The following PRMT2 variants were observed in gnomAD, a reference collection of about 807,000 sequenced individuals.
PRMT2 encodes protein arginine N-methyltransferase 2.
PRMT2 carries 26 observed loss-of-function variants against 57.6 expected under a neutral mutation model. The ratio of observed to expected loss-of-function variants is 0.45; its 90% CI spans 0.33 to 0.63. PRMT2 has a LOEUF of 0.63. PRMT2 is among the 20% of genes least tolerant of loss of function. The probability of loss-of-function intolerance (pLI) is 0.02; values close to 1 mark genes in which losing one functional copy is unlikely to be tolerated. For synonymous variants in PRMT2, 219 were observed against 220.0 expected (o/e 1.00, Z 0.04); for missense variants, 472 against 564.4 (o/e 0.84, Z 1.66).
intron 7 of PRMT2, chr21:46,653,826 C>T (rs2061498807): frequency 9.6e-7 from 1 of 1,046,704 alleles, no homozygotes. Flanking sequence ...GCTTGAAGGA[C>T]CGCTTATGGC....
At chr21:46,663,819 C>T (rs1196049229) in intron 11 of PRMT2, among the ~76,000 whole-genome samples, 1 of 152,244 alleles carries the variant, frequency 6.6e-6, no homozygotes, top group Non-Finnish European at 1.5e-5. Context: ...CAGAGACCCA[C>T]ATCAGCCTGA....
chr21:46,648,629 G>A lies in PRMT2; in HGVS notation c.489+10G>A, dbSNP rs547026398. 103 of 1,609,920 alleles carry A rather than the reference G, an allele frequency of 6.4e-5. 1 individual carries two copies. In the South Asian group the frequency reaches 1.1e-3, roughly 17 times the overall value. ...TGCGCGGCCTAGAGCGGTGAGTGGG[G>A]TCTCGAGCGCATCCCGGGTGTTTGT... On this transcript the variant is annotated intron_variant, in intron 6 of 11. Transcript: ENST00000355680. The surrounding 1 kb of genome is among the most constrained non-coding windows in gnomAD (Gnocchi z 4.8).
At chr21:46,642,701 T>C (rs2061297325) in intron 3 of PRMT2, among the ~76,000 whole-genome samples, 1 of 152,152 alleles carries the variant, frequency 6.6e-6, no homozygotes, top group South Asian at 2.1e-4. Flanking sequence ...CCCCCTGCAG[T>C]GATGTCTTCC....
intron 4 of PRMT2, among the ~76,000 whole-genome samples, chr21:46,644,052 C>G (rs1238722584): frequency 3.9e-5 from 6 of 152,194 alleles, no homozygotes. Context: ...AAATTCTCTC[C>G]TAAGCCATTT....
chr21:46,660,851 G>GT lies in PRMT2; in HGVS notation c.856dup (p.Ser286PhefsTer6), dbSNP rs781564472. On this transcript the variant is annotated frameshift_variant, in exon 9 of 12. Transcript: ENST00000355680. LOFTEE classifies it high-confidence loss of function. ...CCCCTAGATCTTTAGCAGTTAAGGA[G>GT]TTTTTTTCAAAGCCCAAGTATAACC... The GT allele has an allele frequency of 1.9e-6, 3 of 1,613,894 alleles. No individual in the cohort carries two copies. The highest frequency in any genetic ancestry group is 3.3e-5 in the Admixed American group (2 of 59,964).
Position 46,649,470 on chromosome 21 carries a change from CT to C in PRMT2, c.490-103del, listed in dbSNP as rs1569156235. On this transcript the variant is annotated intron_variant, in intron 6 of 11. Coordinates refer to ENST00000355680, the MANE Select transcript of PRMT2 (RefSeq NM_206962.4). The surrounding 1 kb of genome is among the most constrained non-coding windows in gnomAD (Gnocchi z 4.8). ...CTGCTGTCTGGAATGCTGCTTCCCT[CT>C]TGTGTCATTGACCATTTCTCGTGAT... 1 of 1,562,014 alleles carries C rather than the reference CT, an allele frequency of 6.4e-7. No individual in the cohort carries two copies. Among genetic ancestry groups the C allele is most frequent in the East Asian group, 2.2e-5 (1 of 44,602 alleles).
chr21:46,657,344 G>A (rs1287950809), intron 7 of PRMT2: 2 of 147,622 alleles, frequency 1.4e-5, no homozygotes, highest in African/African-American at 5.0e-5. Flanking sequence ...AAACCTGTAT[G>A]TGAATGATTA....
intron 8 of PRMT2, 52 bp downstream of exon 8, chr21:46,658,972 C>T (rs1455450639): frequency 6.3e-7 from 1 of 1,578,888 alleles, no homozygotes; most frequent in South Asian, 1.2e-5. Flanking sequence ...TCCTGGTCCA[C>T]AGTCTGCAGG....
rs771168897 is a variant in PRMT2 at position 46,648,534 on chromosome 21, C to T, written c.404C>T (p.Ser135Phe). The change falls in exon 6 of 12, where the codon TCC becomes TTC. Residue 135 changes from serine (S) to phenylalanine (F), a missense_variant. This residue lies in a region of PRMT2 where 243 missense variants were observed against 347.2 expected (regional missense o/e 0.70). Transcript: ENST00000355680. This position sits in a 1 kb window ranked among gnomAD's most constrained non-coding sequence, Gnocchi z 4.8. ...AGTGTCATCCTGCAGAATAAAGAATCCCTGACGGATAAAGTCATCCTGGAC... is the reference window on the plus strand; with the variant it reads ...AGTGTCATCCTGCAGAATAAAGAATTCCTGACGGATAAAGTCATCCTGGAC... Reference protein sequence around the residue: ...YHSVILQNKESLTDKVILDVG... With the variant: ...YHSVILQNKEFLTDKVILDVG... The T allele has an allele frequency of 1.4e-4, 225 of 1,614,096 alleles. 1 individual carries two copies. The highest frequency in any genetic ancestry group is 1.7e-4 in the Non-Finnish European group (206 of 1,180,026).
At position 46,661,951 on chromosome 21, in the gene PRMT2, C is replaced by T. The variant is rs757637980; in HGVS notation, c.1097+15C>T. On this transcript the variant is annotated intron_variant, in intron 10 of 11. Transcript: ENST00000355680. The stretch of plus-strand genomic sequence containing the variant: ...CCCTTCCACCCGTGAGTGTGCGGGG[C>T]GCGGGCACGGGGTGCGGGGTGGGGG... The T allele has an allele frequency of 1.1e-5, 7 of 644,694 alleles. No homozygotes were observed. Among genetic ancestry groups the T allele is most frequent in the South Asian group, 4.1e-5 (1 of 24,296 alleles). 39.9% of individuals were successfully genotyped at this position (644,694 alleles called of 1,614,324 possible).
At chr21:46,660,801 C>G (rs781241406) in intron 8 of PRMT2, 32 bp from the exon 9 acceptor site, 8 of 1,611,434 alleles carry the variant, frequency 5.0e-6, no homozygotes, top group South Asian at 1.1e-5. Flanking sequence ...TTTGCAATGA[C>G]TCTCAACAGT....
rs755530833 is a variant in PRMT2 at position 46,652,015 on chromosome 21, T to G, written c.654+2276T>G. 6.2e-6 allele frequency: 10 copies of G among 1,612,884 alleles called. No homozygotes were observed. In the South Asian group the frequency reaches 1.1e-4, roughly 18 times the overall value. On this transcript the variant is annotated intron_variant, in intron 7 of 11. Transcript: ENST00000355680. ...CCATCTTCCTACTCTGACGCTGACATGTAGTAAAAGTCTGAAGACAGAGAA... is the reference window on the plus strand; with the variant it reads ...CCATCTTCCTACTCTGACGCTGACAGGTAGTAAAAGTCTGAAGACAGAGAA...
chr21:46,642,558 C>T (rs377165828), intron 3 of PRMT2, among the ~76,000 whole-genome samples: 13 of 152,184 alleles, frequency 8.5e-5, no homozygotes, highest in African/African-American at 3.1e-4. Flanking sequence ...TAATTTTCTT[C>T]TGTGTACTTG....
intron 7 of PRMT2, among the ~76,000 whole-genome samples, chr21:46,650,208 C>T (rs1311225089): frequency 6.6e-6 from 1 of 152,200 alleles, no homozygotes. Context: ...GGACTGTTTT[C>T]TGGTTGCCTG....
At chr21:46,647,259 T>C (rs1486919574) in intron 5 of PRMT2, among the ~76,000 whole-genome samples, 1 of 152,212 alleles carries the variant, frequency 6.6e-6, no homozygotes, top group Non-Finnish European at 1.5e-5. Context: ...TTTCATATTA[T>C]TTGCCCCTTT....
rs777184927 is a variant in PRMT2, at chr21:46,644,434, C to CACGT, written c.273_274insACGT (p.Asp92ThrfsTer2). On this transcript the variant is annotated frameshift_variant, in exon 5 of 12. Coordinates refer to ENST00000355680, the MANE Select transcript of PRMT2 (RefSeq NM_206962.4). LOFTEE classifies it high-confidence loss of function. ...ATGTGGGGAAGCACGTGGATGAGTA[C>CACGT]GACCCCGAGGACACGTGGCAGGATG... 2 of 1,608,862 alleles carry CACGT rather than the reference C, an allele frequency of 1.2e-6. No individual in the cohort carries two copies. Among genetic ancestry groups the CACGT allele is most frequent in the South Asian group, 2.2e-5 (2 of 90,146 alleles).
intron 7 of PRMT2, chr21:46,652,391 T>C: frequency 9.3e-7 from 1 of 1,075,404 alleles, no homozygotes; most frequent in Non-Finnish European, 1.1e-6. Flanking sequence ...AGCTAAAGAA[T>C]TGTGTGACGT....
intron 7 of PRMT2, chr21:46,653,630 G>T: frequency 1.7e-6 from 2 of 1,200,308 alleles, no homozygotes; most frequent in South Asian, 1.7e-5. Context: ...CATGTTTTAT[G>T]CCTTGATATT....
At chr21:46,655,597 T>C (rs1260909163) in intron 7 of PRMT2, among the ~76,000 whole-genome samples, 2 of 151,694 alleles carry the variant, frequency 1.3e-5, no homozygotes, top group Non-Finnish European at 2.9e-5. Context: ...TCCTAAGGAG[T>C]CTATGAGAAA....
Sources: gnomAD v4.1 joint callset for allele counts (sites outside exome capture counted in the v4.1 genomes callset) on GRCh38, gnomAD v4.1.1 for gene constraint, gnomAD v4.1.1 regional missense constraint, Gnocchi (gnomAD v3.1) non-coding constraint, MANE v1.5 for transcripts, NCBI Gene and HGNC (gene_info 2026-07-23, HGNC 2026-07-21) for gene names.